DIPK2B: variants seen among roughly 807,000 people sequenced by gnomAD.
DIPK2B encodes the protein divergent protein kinase domain 2B.
In DIPK2B, 15 loss-of-function variants were observed where a neutral mutation model predicts 22.2. The observed-to-expected ratio is 0.68, with a 90% CI of 0.45 to 1.04. The LOEUF is 1.04. Among genes scored for constraint, DIPK2B ranks in the 50% least tolerant of loss-of-function variants. DIPK2B has a pLI of 0.00. For synonymous variants in DIPK2B, 163 were observed against 153.2 expected (o/e 1.06, Z -0.47); for missense variants, 345 against 348.3 (o/e 0.99, Z 0.08).
chrX:45,163,661 T>C (rs1569544640), intron 2 of DIPK2B: 1 of 753,170 alleles, frequency 1.3e-6, no homozygotes, highest in African/African-American at 2.3e-5. Flanking sequence ...ATGACTCTGA[T>C]GGAGGTACTT....
chrX:45,186,922 C>A (rs138124994), intron 2 of DIPK2B, among the ~76,000 whole-genome samples: 3 of 112,612 alleles, frequency 2.7e-5, no homozygotes, highest in Non-Finnish European at 5.6e-5. Context: ...CACTTGTTTA[C>A]TAGTTCATCG....
chrX:45,170,583 G>A (rs948496727), intron 2 of DIPK2B, among the ~76,000 whole-genome samples: 3 of 112,547 alleles, frequency 2.7e-5, no homozygotes, highest in African/African-American at 9.7e-5. Flanking sequence ...AACTTTGTCT[G>A]TCTTGCTCAC....
chrX:45,168,201 T>G (rs2148339048), intron 2 of DIPK2B, among the ~76,000 whole-genome samples: 1 of 112,310 alleles, frequency 8.9e-6, no homozygotes, highest in Non-Finnish European at 1.9e-5. Context: ...TTCCTCCTTT[T>G]TGGGAAGTTT....
rs762465600 is a variant in DIPK2B, at chrX:45,191,813, G to A, written c.436C>T (p.Arg146Trp). The A allele has an allele frequency of 1.7e-5, 20 of 1,210,458 alleles. No homozygotes were observed. Among genetic ancestry groups the A allele is most frequent in the South Asian group, 1.6e-4 (9 of 56,871 alleles). The change falls in exon 2 of 5, where the codon CGG becomes TGG. Residue 146 changes from arginine to tryptophan, a missense_variant. Transcript: ENST00000398000. ...CATTTCTGGAACCTCTCTGTTTTCC[G>A]CAGGACACGCTCAATGCTGCAGGTC... ...PKTCSIERVLRKTERFQKWLQ... is the reference protein window; with the variant it reads ...PKTCSIERVLWKTERFQKWLQ...
intron 2 of DIPK2B, among the ~76,000 whole-genome samples, chrX:45,177,390 G>A (rs752692666): frequency 1.8e-5 from 2 of 110,479 alleles, no homozygotes; most frequent in African/African-American, 6.6e-5. Flanking sequence ...TCATGGAGGT[G>A]GATCCTTCAT....
At chrX:45,181,768 A>G (rs764494685) in intron 2 of DIPK2B, among the ~76,000 whole-genome samples, 1 of 112,375 alleles carries the variant, frequency 8.9e-6, no homozygotes, top group Admixed American at 9.5e-5. Context: ...ACGAGAGAAT[A>G]TCTTCTTGAC....
chrX:45,199,667 C>T (rs2047257153), intron 1 of DIPK2B, among the ~76,000 whole-genome samples: 1 of 111,311 alleles, frequency 9.0e-6, no homozygotes, highest in African/African-American at 3.3e-5. Context: ...CCCCAGTTCC[C>T]ATTTGGAATT....
At chrX:45,187,916 A>C (rs1260405980) in intron 2 of DIPK2B, among the ~76,000 whole-genome samples, 1 of 110,943 alleles carries the variant, frequency 9.0e-6, no homozygotes, top group Non-Finnish European at 1.9e-5. Flanking sequence ...TGCACAATTG[A>C]AGGCTCTGGC....
chrX:45,173,183 C>T (rs1241218972), intron 2 of DIPK2B, among the ~76,000 whole-genome samples: 1 of 112,182 alleles, frequency 8.9e-6, no homozygotes, highest in African/African-American at 3.2e-5. Context: ...CTGCTTGACA[C>T]ATTACAAAGC....
intron 2 of DIPK2B, among the ~76,000 whole-genome samples, chrX:45,175,686 A>G (rs2047113927): frequency 9.8e-6 from 1 of 101,709 alleles, no homozygotes; most frequent in African/African-American, 3.6e-5. Flanking sequence ...GTAAAAATGT[A>G]TAAAGTATAC....
intron 2 of DIPK2B, among the ~76,000 whole-genome samples, chrX:45,158,209 G>A (rs1569544429): frequency 9.1e-6 from 1 of 110,101 alleles, no homozygotes; most frequent in East Asian, 2.9e-4. Context: ...CAGAGACCCC[G>A]GGAACAGAGA....
chrX:45,187,601 T>C (rs995683808), intron 2 of DIPK2B, among the ~76,000 whole-genome samples: 1 of 110,901 alleles, frequency 9.0e-6, no homozygotes, highest in African/African-American at 3.3e-5. Flanking sequence ...AGATGCAGTG[T>C]CCTTAAATAC....
chrX:45,165,016 T>C (rs181282131), intron 2 of DIPK2B, among the ~76,000 whole-genome samples: 5 of 111,426 alleles, frequency 4.5e-5, no homozygotes, highest in Non-Finnish European at 9.4e-5. Context: ...GCACAGTGTG[T>C]CCCAAACTTG....
chrX:45,187,546 G>A (rs969584941), intron 2 of DIPK2B, among the ~76,000 whole-genome samples: 2 of 109,711 alleles, frequency 1.8e-5, no homozygotes, highest in East Asian at 5.8e-4. Flanking sequence ...TGGTCCTGTC[G>A]TCTTCCTTAG....
intron 2 of DIPK2B, among the ~76,000 whole-genome samples, chrX:45,170,347 A>G (rs1379146106): frequency 1.8e-5 from 2 of 110,171 alleles, no homozygotes; most frequent in African/African-American, 6.6e-5. Flanking sequence ...TGGCCAGGCC[A>G]CTGGCACTCA....
At chrX:45,175,753 A>G (rs955377158) in intron 2 of DIPK2B, among the ~76,000 whole-genome samples, 1 of 102,883 alleles carries the variant, frequency 9.7e-6, no homozygotes, top group African/African-American at 3.5e-5. Context: ...CATTTTTACA[A>G]TGAGTCCATA....
chrX:45,200,875 G>A lies in DIPK2B; in HGVS notation c.-49C>T, dbSNP rs982265041. Reference sequence around the variant, plus strand: ...AGCCTCTGGCTGTCCACTCGAGGCTGTACAGAGGCAGGGCTTGGCCAAAGA... The same window carrying A: ...AGCCTCTGGCTGTCCACTCGAGGCTATACAGAGGCAGGGCTTGGCCAAAGA... On this transcript the variant is annotated 5_prime_UTR_variant, in exon 1 of 5. Transcript: ENST00000398000. 1 of 1,040,302 alleles carries A rather than the reference G, an allele frequency of 9.6e-7. No homozygotes were observed. Among genetic ancestry groups the A allele is most frequent in the Non-Finnish European group, 1.3e-6 (1 of 775,338 alleles). 85.7% of individuals were successfully genotyped at this position (1,040,302 alleles called of 1,213,427 possible).
At chrX:45,166,068 G>A (rs2047047265) in intron 2 of DIPK2B, among the ~76,000 whole-genome samples, 1 of 111,754 alleles carries the variant, frequency 8.9e-6, no homozygotes, top group Non-Finnish European at 1.9e-5. Context: ...TACCTAATGA[G>A]CTGTTGGTAA....
chrX:45,189,449 A>G (rs1380538250), intron 2 of DIPK2B, among the ~76,000 whole-genome samples: 1 of 111,296 alleles, frequency 9.0e-6, no homozygotes, highest in Non-Finnish European at 1.9e-5. Flanking sequence ...CTCTGTCTCT[A>G]CTAAAAATAC....
Sources: gnomAD v4.1 joint callset for allele counts (sites outside exome capture counted in the v4.1 genomes callset) on GRCh38, gnomAD v4.1.1 for gene constraint, MANE v1.5 for transcripts, NCBI Gene and HGNC (gene_info 2026-07-23, HGNC 2026-07-21) for gene names.